The following ETNPPL variants were observed in gnomAD, a reference collection of about 807,000 sequenced individuals.
The protein encoded by ETNPPL is alanine--glyoxylate aminotransferase 2-like 1.
A neutral mutation model predicts 55.5 loss-of-function variants in ETNPPL; 30 were observed. The observed-to-expected ratio is 0.54, with a 90% CI of 0.40 to 0.73. ETNPPL has a LOEUF of 0.73. Among genes scored for constraint, ETNPPL ranks in the 30% least tolerant of loss-of-function variants. The pLI is 0.00. For missense variants in ETNPPL, 528 were observed against 607.9 expected, an observed-to-expected ratio of 0.87 and a Z score of 1.38; for synonymous variants, 202 against 207.2, an observed-to-expected ratio of 0.98 and a Z score of 0.21.
chr4:108,759,400 CAA>C (rs59227589), intron 3 of ETNPPL, among the ~76,000 whole-genome samples: 3,632 of 70,178 alleles, frequency 0.052, 93 homozygotes, highest in African/African-American at 0.15. Flanking sequence ...GGCTCCATCT[CAA>C]AAAAAAAAAA....
chr4:108,745,393 G>A (rs183157722), intron 11 of ETNPPL, among the ~76,000 whole-genome samples: 164 of 152,052 alleles, frequency 1.1e-3, no homozygotes, highest in African/African-American at 3.9e-3. Context: ...TCGGGAGTTC[G>A]AGACCAGCCT....
chr4:108,746,909 A>G (rs1283965444), intron 9 of ETNPPL, 58 bp from the exon 10 acceptor site: 3 of 1,154,128 alleles, frequency 2.6e-6, no homozygotes, highest in South Asian at 2.5e-5. Context: ...ACTGTCACAA[A>G]AAGTTAACAC....
At chr4:108,748,271 A>C (rs1283980003) in intron 8 of ETNPPL, 112 bp from the exon 9 acceptor site, 3 of 654,386 alleles carry the variant, frequency 4.6e-6, no homozygotes, top group Non-Finnish European at 7.4e-6. Flanking sequence ...AATTTAAATA[A>C]AATGTTCTCT....
At position 108,742,460 on chromosome 4, in the gene ETNPPL, A is replaced by G. The variant is rs747681817; in HGVS notation, c.*24T>C. 15 of 1,613,552 alleles carry G rather than the reference A, an allele frequency of 9.3e-6. 1 individual carries two copies. In the South Asian group the frequency reaches 1.4e-4, roughly 15 times the overall value. ...CATTCTCTGTAACTCTGGACATCGCATCTTGCTTTAAAATGCAAATCAGTC... is the reference window on the plus strand; with the variant it reads ...CATTCTCTGTAACTCTGGACATCGCGTCTTGCTTTAAAATGCAAATCAGTC... On this transcript the variant is annotated 3_prime_UTR_variant, in exon 13 of 13. Transcript: ENST00000296486.
chr4:108,752,532 T>A (rs1279535681), intron 6 of ETNPPL, among the ~76,000 whole-genome samples: 1 of 152,186 alleles, frequency 6.6e-6, no homozygotes, highest in Non-Finnish European at 1.5e-5. Flanking sequence ...GGCTCCCTTG[T>A]GGGTCTGGAA....
chr4:108,749,514 A>T (rs778545562), intron 7 of ETNPPL, 51 bp from the exon 8 acceptor site: 91 of 1,350,536 alleles, frequency 6.7e-5, no homozygotes, highest in Non-Finnish European at 9.4e-5. Flanking sequence ...AGATCCCCAA[A>T]CCCACCCACA....
chr4:108,750,151 G>C (rs921931638), intron 7 of ETNPPL, among the ~76,000 whole-genome samples: 1 of 152,276 alleles, frequency 6.6e-6, no homozygotes, highest in South Asian at 2.1e-4. Context: ...TGAATTGAAG[G>C]ACACAAAGTA....
At chr4:108,747,163 AT>A (rs1181735451) in intron 9 of ETNPPL, among the ~76,000 whole-genome samples, 277 of 15,580 alleles carry the variant, frequency 0.018, 33 homozygotes, top group African/African-American at 0.08. Context: ...ATATATATAT[AT>A]TATATATATA....
intron 7 of ETNPPL, among the ~76,000 whole-genome samples, chr4:108,750,631 T>TATATATATATATATATATATATATATATA (rs1249619425): frequency 6.0e-5 from 9 of 149,162 alleles, no homozygotes; most frequent in East Asian, 6.0e-4. Flanking sequence ...ATATATCCTA[T>TATATATATATATATATATATATATATATA]TAGTTTGGTC....
intron 9 of ETNPPL, 74 bp downstream of exon 9, chr4:108,747,931 T>A: frequency 7.6e-7 from 1 of 1,307,384 alleles, no homozygotes; most frequent in Non-Finnish European, 1.1e-6. Flanking sequence ...GGTCTCACCA[T>A]GTTGCCCAGC....
intron 12 of ETNPPL, among the ~76,000 whole-genome samples, chr4:108,742,872 T>C (rs1194006742): frequency 3.3e-5 from 5 of 152,246 alleles, no homozygotes; most frequent in Admixed American, 2.6e-4. Context: ...TTTCTTGTGC[T>C]GAACACTTCT....
chr4:108,747,405 T>C (rs577119734), intron 9 of ETNPPL, among the ~76,000 whole-genome samples: 152 of 150,646 alleles, frequency 1.0e-3, no homozygotes, highest in African/African-American at 3.5e-3. Context: ...CTAACTTTAT[T>C]AAAAAAGTAT....
intron 2 of ETNPPL, 91 bp downstream of exon 2, chr4:108,760,097 A>G (rs1729435771): frequency 9.3e-7 from 1 of 1,080,812 alleles, no homozygotes; most frequent in East Asian, 2.4e-5. Flanking sequence ...AACTGCAGCC[A>G]CTGCAATTCC....
At chr4:108,759,400 CAAAAAAAAAAA>C (rs59227589) in intron 3 of ETNPPL, among the ~76,000 whole-genome samples, 1 of 70,282 alleles carries the variant, frequency 1.4e-5, no homozygotes, top group Non-Finnish European at 3.0e-5. Flanking sequence ...GGCTCCATCT[CAAAAAAAAAAA>C]AAAAAAAAAA....
At chr4:108,755,190 G>C (rs781718956) in intron 4 of ETNPPL, among the ~76,000 whole-genome samples, 1 of 152,114 alleles carries the variant, frequency 6.6e-6, no homozygotes, top group Non-Finnish European at 1.5e-5. Context: ...GCAAATATTA[G>C]GCAAATATTA....
rs1430205099 is a variant in ETNPPL at position 108,763,000 on chromosome 4, C to G, written c.-102G>C. On this transcript the variant is annotated 5_prime_UTR_variant, in exon 1 of 13. Coordinates refer to ENST00000296486, the MANE Select transcript of ETNPPL (RefSeq NM_031279.4). ...TGGCGGCCCCGGCCGGCCTTCCTCCCGTTATCCCTCCTGGCGTTCTCTTGC... is the reference window on the plus strand; with the variant it reads ...TGGCGGCCCCGGCCGGCCTTCCTCCGGTTATCCCTCCTGGCGTTCTCTTGC... The G allele has an allele frequency of 1.6e-5, 18 of 1,103,232 alleles. No individual in the cohort carries two copies. Among genetic ancestry groups the G allele is most frequent in the East Asian group, 2.4e-5 (1 of 41,334 alleles). 68.3% of individuals were successfully genotyped at this position (1,103,232 alleles called of 1,614,324 possible).
At position 108,742,497 on chromosome 4, in the gene ETNPPL, C is replaced by T. The variant is rs749023229; in HGVS notation, c.1487G>A (p.Arg496Lys). 4 of 1,613,984 alleles carry T rather than the reference C, an allele frequency of 2.5e-6. No homozygotes were observed. Among genetic ancestry groups the T allele is most frequent in the East Asian group, 2.2e-5 (1 of 44,898 alleles). ...CTDTHSLLSK[R>K]LKT ...AATGCAAATCAGTCATGTCTTGAGC[C>T]TCTTACTGAGCAGTGAATGTGTATC... Residue 496 changes from arginine to lysine, a missense_variant, in exon 13 of 13, where the codon AGG (arginine) becomes AAG (lysine). By Grantham distance (26) the Arg-to-Lys change is conservative. Coordinates refer to ENST00000296486, the MANE Select transcript of ETNPPL (RefSeq NM_031279.4).
intron 1 of ETNPPL, among the ~76,000 whole-genome samples, chr4:108,760,943 C>A (rs1482835793): frequency 6.6e-6 from 1 of 152,076 alleles, no homozygotes; most frequent in African/African-American, 2.4e-5. Flanking sequence ...ATGCAAATAA[C>A]CTAGAGTTAA....
intron 7 of ETNPPL, among the ~76,000 whole-genome samples, chr4:108,749,835 G>T (rs1728812245): frequency 6.6e-6 from 1 of 152,060 alleles, no homozygotes; most frequent in Non-Finnish European, 1.5e-5. Flanking sequence ...AGCCTCCCCA[G>T]TAGCTGGAAC....
Sources: allele counts gnomAD v4.1 joint callset (sites outside exome capture counted in the v4.1 genomes callset), GRCh38; gene constraint gnomAD v4.1.1; transcripts MANE v1.5; gene names NCBI Gene and HGNC (gene_info 2026-07-23, HGNC 2026-07-21).